Variants in HS3ST5 observed in about 807,000 individuals in gnomAD.
HS3ST5 encodes the protein heparan sulfate glucosamine 3-O-sulfotransferase 5.
In HS3ST5, 10 loss-of-function variants were observed where a neutral mutation model predicts 25.4. The observed-to-expected ratio is 0.39, with a 90% CI of 0.24 to 0.67. The LOEUF (loss-of-function observed/expected upper bound fraction) is 0.67, where lower values mean the gene tolerates loss of function less well. Among genes scored for constraint, HS3ST5 ranks in the 30% least tolerant of loss-of-function variants. The probability of loss-of-function intolerance (pLI) is 0.44; values close to 1 mark genes in which losing one functional copy is unlikely to be tolerated. For missense variants in HS3ST5, 324 were observed against 420.7 expected (o/e 0.77, Z 2.01); for synonymous variants, 170 against 162.4 (o/e 1.05, Z -0.36).
In HS3ST5 at chr6:114,087,327, A is replaced by G. The variant is rs990907719; in HGVS notation, c.-32-24450T>C. 2.1e-4 allele frequency among the ~76,000 whole-genome samples: 32 copies of G among 152,282 alleles called. 1 individual carries two copies. The highest frequency in any genetic ancestry group is 3.9e-4 in the East Asian group (2 of 5,192). On this transcript the variant is annotated intron_variant, in intron 3 of 4. Transcript: ENST00000312719. ...CCCGTTCTTCCATTTCCACCTGTAGAAATTGTAGTTATCATTCAATATTCA... is the reference window on the plus strand; with the variant it reads ...CCCGTTCTTCCATTTCCACCTGTAGGAATTGTAGTTATCATTCAATATTCA...
intron 1 of HS3ST5, among the ~76,000 whole-genome samples, chr6:114,244,601 C>A (rs931653328): frequency 6.6e-6 from 1 of 152,152 alleles, no homozygotes; most frequent in East Asian, 1.9e-4. Context: ...AAGTCACTGT[C>A]CCTGTATCTG....
intron 2 of HS3ST5, among the ~76,000 whole-genome samples, chr6:114,203,343 T>TTAAC (rs1350185673): frequency 6.6e-6 from 1 of 152,278 alleles, no homozygotes; most frequent in East Asian, 1.9e-4. Context: ...CTTCCTGAAA[T>TTAAC]TAACTCCCTC....
rs376187300 is a variant in HS3ST5, at chr6:114,057,989, T to C, written c.309A>G (p.Thr103=). The change falls in exon 5 of 5, where the codon ACA becomes ACG. Residue 103 remains threonine, a synonymous_variant. Coordinates refer to ENST00000312719, the MANE Select transcript of HS3ST5 (RefSeq NM_153612.4). ...AIIIGVRKGG[T]RALLEMLNLH... ...GGTTCAGCATTTCAAGCAGGGCCCT[T>C]GTGCCTCCTTTCCTCACCCCAATGA... The C allele has an allele frequency of 1.2e-6, 2 of 1,614,066 alleles. No homozygotes were observed. The highest frequency in any genetic ancestry group is 1.7e-6 in the Non-Finnish European group (2 of 1,180,032).
intron 3 of HS3ST5, among the ~76,000 whole-genome samples, chr6:114,156,223 A>G (rs1778691613): frequency 6.6e-6 from 1 of 152,138 alleles, no homozygotes; most frequent in Non-Finnish European, 1.5e-5. Context: ...TTAACAAAAA[A>G]TCTCCAAAAG....
At chr6:114,239,346 C>T (rs1410294380) in intron 1 of HS3ST5, 1 of 152,220 alleles carries the variant, frequency 6.6e-6, no homozygotes, top group Non-Finnish European at 1.5e-5. Context: ...TGCCATCCAT[C>T]ACCCTGATAT....
intron 3 of HS3ST5, among the ~76,000 whole-genome samples, chr6:114,142,460 T>C (rs1041033821): frequency 2.0e-5 from 3 of 152,072 alleles, no homozygotes; most frequent in Non-Finnish European, 2.9e-5. Context: ...GAGTGAGTCA[T>C]GGGAGGTAAG....
chr6:114,057,582 T>C lies in HS3ST5; in HGVS notation c.716A>G (p.Glu239Gly), dbSNP rs1772840770. ...VRTSIYTKHL[E>G]RWLKYFPIEQ... Reference sequence around the variant, plus strand: ...AATTGGAAAGTATTTCAACCACCTTTCCAGATGTTTGGTGTAGATGCTGGT... The same window carrying C: ...AATTGGAAAGTATTTCAACCACCTTCCCAGATGTTTGGTGTAGATGCTGGT... Residue 239 changes from glutamate to glycine, a missense_variant, in exon 5 of 5, where the codon GAA becomes GGA. Glu to Gly is a moderately conservative substitution (Grantham distance 98). This residue lies in a region of HS3ST5 where 203 missense variants were observed against 303.4 expected (regional missense o/e 0.67). Transcript: ENST00000312719. 6.2e-7 allele frequency: 1 copy of C among 1,614,070 alleles called. No individual in the cohort carries two copies. The highest frequency in any genetic ancestry group is 8.5e-7 in the Non-Finnish European group (1 of 1,180,042).
intron 2 of HS3ST5, among the ~76,000 whole-genome samples, chr6:114,199,004 T>C (rs527255770): frequency 2.0e-5 from 3 of 152,134 alleles, no homozygotes; most frequent in African/African-American, 2.4e-5. Flanking sequence ...ATATCACATA[T>C]GATTTTCAAA....
At chr6:114,134,612 G>C (rs559649491) in intron 3 of HS3ST5, among the ~76,000 whole-genome samples, 1 of 152,076 alleles carries the variant, frequency 6.6e-6, no homozygotes, top group Admixed American at 6.5e-5. Context: ...ATACCTGCTC[G>C]GGCCTTACCC....
intron 1 of HS3ST5, chr6:114,281,986 A>G (rs1774133743): frequency 6.6e-6 from 1 of 152,014 alleles, no homozygotes. Flanking sequence ...GGATTTTTGA[A>G]CACTTTAAAG....
chr6:114,182,875 G>A (rs79427971), intron 2 of HS3ST5, among the ~76,000 whole-genome samples: 1,715 of 152,206 alleles, frequency 0.011, 38 homozygotes, highest in African/African-American at 0.039. Context: ...TCAGTAAAAC[G>A]GATGGCCCTA....
intron 1 of HS3ST5, among the ~76,000 whole-genome samples, chr6:114,324,520 T>C (rs1238807487): frequency 6.6e-6 from 1 of 152,192 alleles, no homozygotes; most frequent in East Asian, 1.9e-4. Flanking sequence ...TCTCCCCGAA[T>C]TATTTAATCA....
At chr6:114,177,840 A>G (rs1234493544) in intron 2 of HS3ST5, among the ~76,000 whole-genome samples, 1 of 152,188 alleles carries the variant, frequency 6.6e-6, no homozygotes, top group Non-Finnish European at 1.5e-5. Context: ...CATATAGTAA[A>G]CCTAAGAGAA....
At chr6:114,206,219 T>C (rs998715955) in intron 2 of HS3ST5, among the ~76,000 whole-genome samples, 6 of 152,186 alleles carry the variant, frequency 3.9e-5, no homozygotes, top group Admixed American at 2.0e-4. Flanking sequence ...GTTATGGTAT[T>C]GCAGTGAACA....
chr6:114,114,864 G>A (rs1189072720), intron 3 of HS3ST5, among the ~76,000 whole-genome samples: 1 of 152,054 alleles, frequency 6.6e-6, no homozygotes, highest in Non-Finnish European at 1.5e-5. Context: ...CACTCTTTTT[G>A]TGTTAAAAGG....
At chr6:114,262,842 TGTG>T (rs1773239258) in intron 1 of HS3ST5, among the ~76,000 whole-genome samples, 1 of 152,190 alleles carries the variant, frequency 6.6e-6, no homozygotes, top group Non-Finnish European at 1.5e-5. Context: ...TTATTGGAGA[TGTG>T]GTATCAAAAA....
chr6:114,247,523 C>T (rs1570437), intron 1 of HS3ST5, among the ~76,000 whole-genome samples: 58,860 of 151,814 alleles, frequency 0.39, 11,610 homozygotes, highest in African/African-American at 0.47. Flanking sequence ...TGGCAGAAAG[C>T]ACTAGATCTT....
rs1047953347 is a variant in HS3ST5 at position 114,293,997 on chromosome 6, C to A, written c.-339+48198G>T. Among the ~76,000 whole-genome samples, 4 of 152,270 alleles carry A rather than the reference C, an allele frequency of 2.6e-5. 1 individual carries two copies. ...TGCAAGTGAGGAAGCATTGGCATGA[C>A]ACAAAGTTATGGAGATATTTTAAAC... On this transcript the variant is annotated intron_variant, in intron 1 of 4. Coordinates refer to ENST00000312719, the MANE Select transcript of HS3ST5 (RefSeq NM_153612.4).
chr6:114,302,280 ACCAGTAAT>A (rs1424207468), intron 1 of HS3ST5, among the ~76,000 whole-genome samples: 4 of 152,236 alleles, frequency 2.6e-5, no homozygotes, highest in Non-Finnish European at 4.4e-5. Flanking sequence ...GAATCAAGGT[ACCAGTAAT>A]CTATCCTTGC....
Sources: allele counts gnomAD v4.1 joint callset (sites outside exome capture counted in the v4.1 genomes callset), GRCh38; gene constraint gnomAD v4.1.1; regional missense constraint gnomAD v4.1.1; transcripts MANE v1.5; gene names NCBI Gene and HGNC (gene_info 2026-07-23, HGNC 2026-07-21).